ANKRD31: variants seen among roughly 807,000 people sequenced by gnomAD.
The protein encoded by ANKRD31 is ankyrin repeat domain 31, also known as ankyrin repeat domain-containing protein 31.
ANKRD31 carries 147 observed loss-of-function variants against 186.0 expected under a neutral mutation model. That is an observed-to-expected ratio of 0.79 (90% CI 0.69 to 0.91). ANKRD31 has a LOEUF of 0.91. ANKRD31 is among the 40% of genes least tolerant of loss of function. The pLI is 0.00. For missense variants in ANKRD31, 1,986 were observed against 2,148.8 expected, an observed-to-expected ratio of 0.92 and a Z score of 1.50; for synonymous variants, 673 against 736.4, an observed-to-expected ratio of 0.91 and a Z score of 1.39.
intron 11 of ANKRD31, among the ~76,000 whole-genome samples, chr5:75,159,412 A>C (rs935520069): frequency 1.3e-5 from 2 of 152,280 alleles, no homozygotes; most frequent in African/African-American, 4.8e-5. Flanking sequence ...AAAGATAAAC[A>C]AAAGGGATAT....
intron 17 of ANKRD31, among the ~76,000 whole-genome samples, chr5:75,128,957 G>A (rs1249194991): frequency 6.6e-6 from 1 of 151,982 alleles, no homozygotes; most frequent in African/African-American, 2.4e-5. Context: ...ATACTGTAAA[G>A]GCCAAAGGGC....
chr5:75,068,533 C>A lies in ANKRD31; in HGVS notation c.5779G>T (p.Glu1927Ter). 6.6e-7 allele frequency: 1 copy of A among 1,510,756 alleles called. No homozygotes were observed. Among genetic ancestry groups the A allele is most frequent in the Non-Finnish European group, 8.8e-7 (1 of 1,136,004 alleles). The allele number at this position is 1,510,756 out of a possible 1,614,324, so 93.6% of individuals were successfully genotyped here. A position where few individuals can be genotyped will look rare whatever the true frequency, so the allele number is the denominator to read the frequency against. ...AAACCAAGGTTTTAGGGTGTTAGTTCCTCACATTCCACACAAAACTTCCAA... is the reference window on the plus strand; with the variant it reads ...AAACCAAGGTTTTAGGGTGTTAGTTACTCACATTCCACACAAAACTTCCAA... ...QHWKFCVECE[E>*]LTP The change falls in exon 26 of 26, where the codon GAA becomes TAA. Residue 1927 changes from glutamate to a stop codon, truncating the protein, a stop_gained. Transcript: ENST00000506364. LOFTEE classifies it high-confidence loss of function.
chr5:75,165,613 T>A (rs996720166), intron 11 of ANKRD31, among the ~76,000 whole-genome samples: 2 of 152,150 alleles, frequency 1.3e-5, no homozygotes, highest in African/African-American at 4.8e-5. Context: ...GCAATGAGCA[T>A]ACCTTGCATC....
chr5:75,173,477 A>G (rs1165668068), intron 10 of ANKRD31, among the ~76,000 whole-genome samples: 1 of 152,174 alleles, frequency 6.6e-6, no homozygotes, highest in Non-Finnish European at 1.5e-5. Flanking sequence ...TTATATTTAG[A>G]AAACCCCATG....
chr5:75,076,077 G>T (rs1744620209), intron 25 of ANKRD31, among the ~76,000 whole-genome samples: 1 of 152,080 alleles, frequency 6.6e-6, no homozygotes. Flanking sequence ...ATTCTAATGA[G>T]ATATTTTTAC....
intron 3 of ANKRD31, among the ~76,000 whole-genome samples, chr5:75,211,782 T>C (rs1238286175): frequency 6.6e-6 from 1 of 152,192 alleles, no homozygotes; most frequent in Non-Finnish European, 1.5e-5. Context: ...GCCATTTTTA[T>C]ATCTTCTTTG....
chr5:75,223,698 G>A (rs900481412), intron 2 of ANKRD31, among the ~76,000 whole-genome samples: 2 of 152,176 alleles, frequency 1.3e-5, no homozygotes, highest in African/African-American at 4.8e-5. Flanking sequence ...GAATGTCTGT[G>A]CACACCCGCC....
chr5:75,146,764 A>G lies in ANKRD31; in HGVS notation c.2647T>C (p.Phe883Leu). ...NSNLVPKDER[F>L]NKWENSFLSF... Reference sequence around the variant, plus strand: ...AGGAAAGAATTTTCCCATTTGTTAAATCTCTCATCTTTTGGGACCAAGTTA... The same window carrying G: ...AGGAAAGAATTTTCCCATTTGTTAAGTCTCTCATCTTTTGGGACCAAGTTA... Residue 883 changes from phenylalanine (F) to leucine (L), a missense_variant, in exon 14 of 26, where the codon TTT becomes CTT. Phe to Leu is a conservative substitution (Grantham distance 22). Transcript: ENST00000506364. 1 of 1,536,236 alleles carries G rather than the reference A, an allele frequency of 6.5e-7. No homozygotes were observed. Among genetic ancestry groups the G allele is most frequent in the Non-Finnish European group, 8.7e-7 (1 of 1,146,286 alleles).
At position 75,147,072 on chromosome 5, in the gene ANKRD31, A is replaced by T; in HGVS notation, c.2339T>A (p.Leu780Ter). Residue 780 changes from leucine (L) to a stop codon, truncating the protein, a stop_gained, in exon 14 of 26, where the codon TTG (leucine) becomes TAG (stop). Coordinates refer to ENST00000506364, the MANE Select transcript of ANKRD31 (RefSeq NM_001372053.1). LOFTEE classifies it high-confidence loss of function. ...CAGAGTTAAGCTGGAAGGTTCACAC[A>T]ATTCTTCTGGAAGGTCATTATGAGT... ...PETHNDLPEELCEPSSLTLSS... is the reference protein window; with the variant it reads ...PETHNDLPEE The T allele has an allele frequency of 6.5e-7, 1 of 1,536,416 alleles. No homozygotes were observed. The highest frequency in any genetic ancestry group is 8.7e-7 in the Non-Finnish European group (1 of 1,146,376).
At chr5:75,179,041 A>T (rs2150213186) in intron 10 of ANKRD31, among the ~76,000 whole-genome samples, 1 of 152,284 alleles carries the variant, frequency 6.6e-6, no homozygotes, top group Admixed American at 6.5e-5. Context: ...ATAAAAAATG[A>T]CAAAGGGGAT....
chr5:75,132,100 G>A (rs368051789), intron 17 of ANKRD31, among the ~76,000 whole-genome samples: 20 of 152,204 alleles, frequency 1.3e-4, no homozygotes, highest in East Asian at 1.9e-4. Context: ...AAATCAGAGC[G>A]CCTCTTCTCC....
chr5:75,069,882 G>A (rs1449302005), intron 25 of ANKRD31, among the ~76,000 whole-genome samples: 1 of 152,146 alleles, frequency 6.6e-6, no homozygotes, highest in Non-Finnish European at 1.5e-5. Context: ...CTTGAACCTG[G>A]AAGCATGTAG....
intron 17 of ANKRD31, among the ~76,000 whole-genome samples, chr5:75,127,750 TC>T (rs1749366356): frequency 1.3e-5 from 2 of 152,178 alleles, no homozygotes; most frequent in African/African-American, 2.4e-5. Context: ...TACTGAGTCT[TC>T]TAGGCCATGA....
chr5:75,173,337 C>A (rs892597762), intron 10 of ANKRD31, among the ~76,000 whole-genome samples: 1 of 152,092 alleles, frequency 6.6e-6, no homozygotes, highest in Non-Finnish European at 1.5e-5. Flanking sequence ...GATAAGGATA[C>A]CCTCTCTCAA....
intron 3 of ANKRD31, among the ~76,000 whole-genome samples, chr5:75,218,309 A>C (rs149816777): frequency 3.8e-3 from 576 of 152,314 alleles, no homozygotes; most frequent in African/African-American, 0.013. Flanking sequence ...AGAGACAACT[A>C]TCAACACCTC....
chr5:75,081,351 G>C (rs956952158), intron 24 of ANKRD31, among the ~76,000 whole-genome samples: 7 of 151,922 alleles, frequency 4.6e-5, no homozygotes, highest in Non-Finnish European at 1.5e-5. Flanking sequence ...AAAATTTTCT[G>C]AAATATCTAA....
chr5:75,233,594 C>T (rs748292897), intron 1 of ANKRD31, among the ~76,000 whole-genome samples: 9 of 151,778 alleles, frequency 5.9e-5, no homozygotes, highest in Non-Finnish European at 1.2e-4. Context: ...AATATGTAAA[C>T]GTAAAAATTT....
intron 3 of ANKRD31, among the ~76,000 whole-genome samples, chr5:75,211,839 T>A (rs1756671330): frequency 6.6e-6 from 1 of 152,160 alleles, no homozygotes; most frequent in African/African-American, 2.4e-5. Context: ...ATTCAGTTGT[T>A]TTTTTTTCTG....
At chr5:75,229,877 A>C (rs866786292) in intron 2 of ANKRD31, among the ~76,000 whole-genome samples, 8 of 97,118 alleles carry the variant, frequency 8.2e-5, no homozygotes, top group Middle Eastern at 9.3e-3. Context: ...AAAAAAAAAA[A>C]AAAAAAAAAA....
Sources: allele counts gnomAD v4.1 joint callset (sites outside exome capture counted in the v4.1 genomes callset), GRCh38; gene constraint gnomAD v4.1.1; transcripts MANE v1.5; gene names NCBI Gene and HGNC (gene_info 2026-07-23, HGNC 2026-07-21).